The following CNTNAP2 variants were observed in gnomAD, a reference collection of about 807,000 sequenced individuals.
CNTNAP2 encodes contactin associated protein 2, also known as contactin-associated protein-like 2.
Under a neutral mutation model 155.2 loss-of-function variants are expected in CNTNAP2, and 98 were observed. The ratio of observed to expected loss-of-function variants is 0.63; its 90% CI spans 0.54 to 0.75. The LOEUF is 0.75. Among genes scored for constraint, CNTNAP2 ranks in the 30% least tolerant of loss-of-function variants. The pLI is 0.00. For missense variants in CNTNAP2, 1,727 were observed against 1,688.1 expected (o/e 1.02, Z -0.40); for synonymous variants, 651 against 631.2 (o/e 1.03, Z -0.47).
intron 15 of CNTNAP2, among the ~76,000 whole-genome samples, chr7:148,050,440 G>A (rs1802866932): frequency 6.6e-6 from 1 of 152,194 alleles, no homozygotes; most frequent in Non-Finnish European, 1.5e-5. Context: ...TGATAGAATA[G>A]GATATAAAGA....
Position 147,118,500 on chromosome 7 carries a change from C to G in CNTNAP2, c.755-2479C>G, listed in dbSNP as rs536588899. ...TAGGATACAAAATGTATCAATCTAT[C>G]GATCTAATTAAATATATGCAGTCAT... On this transcript the variant is annotated intron_variant, in intron 5 of 23. Coordinates refer to ENST00000361727, the MANE Select transcript of CNTNAP2 (RefSeq NM_014141.6). 3.3e-5 allele frequency among the ~76,000 whole-genome samples: 5 copies of G among 152,232 alleles called. No homozygotes were observed. In the East Asian group the frequency reaches 7.7e-4, roughly 24 times the overall value.
chr7:147,748,610 T>C (rs1057023378), intron 13 of CNTNAP2, among the ~76,000 whole-genome samples: 4 of 152,218 alleles, frequency 2.6e-5, no homozygotes, highest in African/African-American at 9.6e-5. Context: ...TCCCTGCACC[T>C]CAGGTCTACC....
intron 8 of CNTNAP2, among the ~76,000 whole-genome samples, chr7:147,150,201 G>A (rs1187882215): frequency 6.6e-6 from 1 of 152,130 alleles, no homozygotes; most frequent in Non-Finnish European, 1.5e-5. Context: ...GGAAGCCATA[G>A]ATTATTTACT....
chr7:146,412,981 C>A (rs1311046187), intron 1 of CNTNAP2, among the ~76,000 whole-genome samples: 3 of 152,110 alleles, frequency 2.0e-5, no homozygotes, highest in African/African-American at 7.2e-5. Flanking sequence ...TGAAGACCCC[C>A]CTCAGTTAGA....
chr7:148,363,876 G>A (rs968978471), intron 21 of CNTNAP2, among the ~76,000 whole-genome samples: 8 of 149,064 alleles, frequency 5.4e-5, no homozygotes, highest in South Asian at 2.1e-4. Context: ...CCGGGTGGGC[G>A]TGGGCTTGGT....
At chr7:146,619,399 G>A (rs1226206228) in intron 1 of CNTNAP2, among the ~76,000 whole-genome samples, 1 of 152,116 alleles carries the variant, frequency 6.6e-6, no homozygotes, top group East Asian at 1.9e-4. Flanking sequence ...AGAGGTGGGA[G>A]AGGGTTAAAA....
intron 1 of CNTNAP2, among the ~76,000 whole-genome samples, chr7:146,125,271 T>C: frequency 6.6e-6 from 1 of 152,082 alleles, no homozygotes; most frequent in African/African-American, 2.4e-5. Context: ...ATGTCCACAG[T>C]ACAGAATTAA....
At chr7:148,224,464 G>A (rs1338822315) in intron 19 of CNTNAP2, among the ~76,000 whole-genome samples, 1 of 152,198 alleles carries the variant, frequency 6.6e-6, no homozygotes, top group African/African-American at 2.4e-5. Context: ...AATGTAAAAA[G>A]TGACAGTGAG....
intron 22 of CNTNAP2, among the ~76,000 whole-genome samples, chr7:148,402,644 CAAAG>C (rs1357118932): frequency 1.1e-4 from 17 of 152,176 alleles, no homozygotes; most frequent in African/African-American, 3.9e-4. Context: ...TGTAATAAAA[CAAAG>C]AAGCTAAGAA....
intron 15 of CNTNAP2, among the ~76,000 whole-genome samples, chr7:148,065,387 T>G (rs1803236555): frequency 6.6e-6 from 1 of 152,160 alleles, no homozygotes; most frequent in Non-Finnish European, 1.5e-5. Flanking sequence ...AGTGGAATAT[T>G]GAAGCCCCCC....
rs538872848 is a variant in CNTNAP2 at position 146,995,634 on chromosome 7, T to A, written c.403-48273T>A. 4.6e-5 allele frequency among the ~76,000 whole-genome samples: 7 copies of A among 152,214 alleles called. No individual in the cohort carries two copies. The East Asian group carries it at 1.4e-3, about 29-fold the overall frequency. ...CCTGTTAGTCCTCTTTTGGGAAATG[T>A]GTGTTAATGTCTTTGCCCATTTTAA... On this transcript the variant is annotated intron_variant, in intron 3 of 23. Coordinates refer to ENST00000361727, the MANE Select transcript of CNTNAP2 (RefSeq NM_014141.6).
intron 14 of CNTNAP2, among the ~76,000 whole-genome samples, chr7:147,905,820 C>A (rs1036425869): frequency 1.3e-5 from 2 of 151,948 alleles, no homozygotes; most frequent in South Asian, 4.2e-4. Flanking sequence ...GGAGGCGGAG[C>A]TTGCAGTGAG....
At chr7:148,104,860 A>G (rs2116586782) in intron 15 of CNTNAP2, among the ~76,000 whole-genome samples, 1 of 152,302 alleles carries the variant, frequency 6.6e-6, no homozygotes, top group South Asian at 2.1e-4. Flanking sequence ...TTCTGTCCAT[A>G]TGGGTTAAAT....
rs568819038 is a variant in CNTNAP2 at position 147,444,969 on chromosome 7, A to G, written c.1671-40966A>G. On this transcript the variant is annotated intron_variant, in intron 10 of 23. Transcript: ENST00000361727. ...AAACAAGCACGTCTTCACATGGTGG[A>G]AGGAGAGAGAAAGAGTGAAGGGGGA... Among the ~76,000 whole-genome samples the G allele has an allele frequency of 2.6e-5, 4 of 152,250 alleles. No individual in the cohort carries two copies. The South Asian group carries it at 8.3e-4, about 32-fold the overall frequency.
intron 11 of CNTNAP2, among the ~76,000 whole-genome samples, chr7:147,549,939 T>A (rs1184709432): frequency 6.6e-6 from 1 of 152,212 alleles, no homozygotes; most frequent in African/African-American, 2.4e-5. Flanking sequence ...TTTATTAGAA[T>A]GTCAATGATC....
intron 1 of CNTNAP2, among the ~76,000 whole-genome samples, chr7:146,566,561 G>C (rs1798359388): frequency 6.6e-6 from 1 of 152,054 alleles, no homozygotes; most frequent in Non-Finnish European, 1.5e-5. Flanking sequence ...GCTGGGCGTG[G>C]TGGCAGGCGC....
chr7:146,869,997 G>A lies in CNTNAP2; in HGVS notation c.402+30093G>A, dbSNP rs58469658. Among the ~76,000 whole-genome samples the A allele has an allele frequency of 3.9e-3, 592 of 152,236 alleles. 6 individuals carry two copies. The highest frequency in any genetic ancestry group is 0.014 in the African/African-American group (562 of 41,550). ...TCACAAATTTGCAAGTATTTTTGCT[G>A]AGGATTTTTGCATCATAGTTCATCA... On this transcript the variant is annotated intron_variant, in intron 3 of 23. Transcript: ENST00000361727.
At chr7:147,723,450 T>C (rs1410778684) in intron 13 of CNTNAP2, among the ~76,000 whole-genome samples, 1 of 152,066 alleles carries the variant, frequency 6.6e-6, no homozygotes, top group African/African-American at 2.4e-5. Context: ...AGCACAGCTA[T>C]GCTTTTGTCA....
At chr7:148,016,184 G>A (rs576065820) in intron 15 of CNTNAP2, among the ~76,000 whole-genome samples, 1 of 152,178 alleles carries the variant, frequency 6.6e-6, no homozygotes, top group Non-Finnish European at 1.5e-5. Context: ...CAATCTCCAC[G>A]TCCTTTGTAG....
Sources: allele counts gnomAD v4.1 joint callset (sites outside exome capture counted in the v4.1 genomes callset), GRCh38; gene constraint gnomAD v4.1.1; transcripts MANE v1.5; gene names NCBI Gene and HGNC (gene_info 2026-07-23, HGNC 2026-07-21).